The following RANBP2 variants were observed in gnomAD, a reference collection of about 807,000 sequenced individuals.
The protein encoded by RANBP2 is RAN binding protein 2.
In RANBP2, 57 loss-of-function variants were observed where a neutral mutation model predicts 303.6. The ratio of observed to expected loss-of-function variants is 0.19; its 90% CI spans 0.15 to 0.23. RANBP2 has a LOEUF of 0.23. Ranked by LOEUF, RANBP2 falls within the 10% of genes least tolerant of loss-of-function variation. RANBP2 has a pLI of 1.00. For missense variants in RANBP2, 3,138 were observed against 3,780.8 expected, an observed-to-expected ratio of 0.83 and a Z score of 4.46; for synonymous variants, 1,167 against 1,301.5, an observed-to-expected ratio of 0.90 and a Z score of 2.23.
the RANBP2 span, among the ~76,000 whole-genome samples, chr2:109,212,657 C>A: frequency 6.6e-6 from 1 of 152,188 alleles, no homozygotes; most frequent in Admixed American, 6.5e-5. Flanking sequence ...TAGCAACCTC[C>A]CTTTTCTTGT....
chr2:109,201,076 C>T, the RANBP2 span, among the ~76,000 whole-genome samples: 1 of 152,202 alleles, frequency 6.6e-6, no homozygotes, highest in African/African-American at 2.4e-5. Context: ...CAGCCGTGCT[C>T]AGGGACTCTC....
rs1695998875 is a variant in RANBP2 at position 108,740,534 on chromosome 2, T to A, written c.828T>A (p.Asp276Glu). ...CTGTGAAATCTTTGGGTGGAAATGA[T>A]GAACTGTCAGCTACTTTCTTAGAAA... ...LQSVKSLGGN[D>E]ELSATFLEMK... Residue 276 changes from aspartate (D) to glutamate (E), a missense_variant, in exon 7 of 29, where the codon GAT becomes GAA. Around this residue, in one of 20 missense-constraint regions of RANBP2, gnomAD observed 306 missense variants for 381.9 expected, o/e 0.80. Transcript: ENST00000283195. 6.3e-7 allele frequency: 1 copy of A among 1,597,464 alleles called. No homozygotes were observed. The highest frequency in any genetic ancestry group is 1.1e-5 in the South Asian group (1 of 90,994).
At chr2:109,551,306 AAC>A in the RANBP2 span, among the ~76,000 whole-genome samples, 2 of 152,198 alleles carry the variant, frequency 1.3e-5, no homozygotes, top group African/African-American at 4.8e-5. Context: ...ATATTTAAAT[AAC>A]AGTCCTTTAA....
the RANBP2 span, among the ~76,000 whole-genome samples, chr2:108,800,643 A>G: frequency 2.2e-4 from 9 of 40,730 alleles, no homozygotes; most frequent in Admixed American, 9.8e-4. Context: ...TTTTTTAATT[A>G]TACTTTAAGT....
the RANBP2 span, among the ~76,000 whole-genome samples, chr2:109,163,824 A>G: frequency 2.0e-5 from 3 of 152,166 alleles, no homozygotes; most frequent in African/African-American, 4.8e-5. Context: ...TTCCCTCCAA[A>G]CAATGTGTTT....
chr2:109,037,763 T>C, the RANBP2 span, among the ~76,000 whole-genome samples: 1,036 of 152,268 alleles, frequency 6.8e-3, 5 homozygotes, highest in East Asian at 0.035. Flanking sequence ...TGTACAACAT[T>C]TGCACGCTAA....
chr2:109,192,857 G>T, the RANBP2 span, among the ~76,000 whole-genome samples: 47 of 152,282 alleles, frequency 3.1e-4, no homozygotes, highest in Middle Eastern at 0.01. Flanking sequence ...TCCTGCACCT[G>T]TTTCTGTGCA....
At chr2:109,542,207 GAA>G in the RANBP2 span, among the ~76,000 whole-genome samples, 1 of 152,122 alleles carries the variant, frequency 6.6e-6, no homozygotes, top group South Asian at 2.1e-4. Context: ...TTTGTAAGAA[GAA>G]GTCATTAAAA....
At chr2:109,402,770 G>A in the RANBP2 span, among the ~76,000 whole-genome samples, 1 of 152,350 alleles carries the variant, frequency 6.6e-6, no homozygotes, top group East Asian at 1.9e-4. Context: ...GCCATGGGGG[G>A]CAGAGGATTA....
In RANBP2 at chr2:108,765,717, A is replaced by T. The variant is rs775044249; in HGVS notation, c.5178A>T (p.Gly1726=). The T allele has an allele frequency of 9.3e-6, 15 of 1,613,882 alleles. No homozygotes were observed. The South Asian group carries it at 1.4e-4, about 15-fold the overall frequency. The change falls in exon 20 of 29, where the codon GGA becomes GGT. Residue 1726 remains glycine, a synonymous_variant. Transcript: ENST00000283195. ...AGGGAATGTTCACTAAGAAGGAAGGACAGTGGGATTGCAGTGTGTGCTTAG... is the reference window on the plus strand; with the variant it reads ...AGGGAATGTTCACTAAGAAGGAAGGTCAGTGGGATTGCAGTGTGTGCTTAG... The part of the protein sequence containing the change: ...GFEGMFTKKE[G]QWDCSVCLVR...
the RANBP2 span, among the ~76,000 whole-genome samples, chr2:108,902,376 AAAAACAAAAC>A: frequency 3.9e-5 from 6 of 152,148 alleles, no homozygotes; most frequent in Non-Finnish European, 7.3e-5. Flanking sequence ...ACTCCATCTC[AAAAACAAAAC>A]AAAACAAAAC....
At chr2:109,202,400 C>T in the RANBP2 span, among the ~76,000 whole-genome samples, 1 of 152,136 alleles carries the variant, frequency 6.6e-6, no homozygotes, top group Non-Finnish European at 1.5e-5. Context: ...CACCTAATTG[C>T]CCGAACTTAA....
chr2:108,927,853 C>A, the RANBP2 span, among the ~76,000 whole-genome samples: 1 of 152,168 alleles, frequency 6.6e-6, no homozygotes, highest in Admixed American at 6.5e-5. Context: ...TGACAAATGG[C>A]ACTATTTCCA....
chr2:109,206,117 C>T, the RANBP2 span, among the ~76,000 whole-genome samples: 1 of 152,124 alleles, frequency 6.6e-6, no homozygotes, highest in African/African-American at 2.4e-5. Flanking sequence ...CCCAAGCCAC[C>T]CCTCTCTCCC....
At chr2:109,148,384 C>G in the RANBP2 span, among the ~76,000 whole-genome samples, 2 of 152,178 alleles carry the variant, frequency 1.3e-5, no homozygotes, top group African/African-American at 2.4e-5. Context: ...CATGAGCCAG[C>G]CATCATAGGG....
At chr2:109,673,576 GA>G in the RANBP2 span, among the ~76,000 whole-genome samples, 1 of 152,196 alleles carries the variant, frequency 6.6e-6, no homozygotes, top group East Asian at 1.9e-4. Context: ...GAAAGTTGTG[GA>G]TGTGGGCTGG....
the RANBP2 span, among the ~76,000 whole-genome samples, chr2:109,643,253 G>A: frequency 6.6e-6 from 1 of 151,886 alleles, no homozygotes; most frequent in Non-Finnish European, 1.5e-5. Context: ...GTACATAAAT[G>A]TTCCATAAAC....
the RANBP2 span, chr2:108,931,005 C>G: frequency 5.0e-6 from 8 of 1,614,044 alleles, no homozygotes; most frequent in African/African-American, 5.3e-5. Context: ...CAGTCCCCCA[C>G]ATGGGCCATC....
At chr2:109,031,224 T>G in the RANBP2 span, among the ~76,000 whole-genome samples, 2 of 152,116 alleles carry the variant, frequency 1.3e-5, no homozygotes, top group Admixed American at 1.3e-4. Context: ...AAGTCCACCA[T>G]CAAGGTGTCA....
Sources: allele counts gnomAD v4.1 joint callset (sites outside exome capture counted in the v4.1 genomes callset), GRCh38; gene constraint gnomAD v4.1.1; regional missense constraint gnomAD v4.1.1; transcripts MANE v1.5; gene names NCBI Gene and HGNC (gene_info 2026-07-23, HGNC 2026-07-21).